Variants in B3GALT1 observed in about 807,000 individuals in gnomAD.
B3GALT1 encodes UDP-Gal:betaGlcNAc beta 1,3-galactosyltransferase, polypeptide 1.
B3GALT1 carries 10 observed loss-of-function variants against 23.2 expected under a neutral mutation model. That is an observed-to-expected ratio of 0.43 (90% CI 0.27 to 0.73). The LOEUF (loss-of-function observed/expected upper bound fraction) is 0.73. B3GALT1 is among the 30% of genes least tolerant of loss of function. B3GALT1 has a pLI of 0.21. For missense variants in B3GALT1, 299 were observed against 405.4 expected, an observed-to-expected ratio of 0.74 and a Z score of 2.25; for synonymous variants, 156 against 141.5, an observed-to-expected ratio of 1.10 and a Z score of -0.73.
chr2:167,462,644 G>A (rs1030173689), intron 1 of B3GALT1, among the ~76,000 whole-genome samples: 3 of 152,090 alleles, frequency 2.0e-5, no homozygotes, highest in South Asian at 2.1e-4. Flanking sequence ...ACATTCAAAG[G>A]TTGGTGTAAT....
intron 2 of B3GALT1, among the ~76,000 whole-genome samples, chr2:167,630,060 T>G (rs2105446302): frequency 6.6e-6 from 1 of 151,894 alleles, no homozygotes; most frequent in East Asian, 1.9e-4. Flanking sequence ...ACAGACAATA[T>G]TTGACCTTAG....
At chr2:167,461,744 T>G (rs544421256) in intron 1 of B3GALT1, among the ~76,000 whole-genome samples, 1 of 152,348 alleles carries the variant, frequency 6.6e-6, no homozygotes, top group East Asian at 1.9e-4. Context: ...ACACCATTGT[T>G]CTTCCAATTT....
At chr2:167,631,561 T>G (rs1343573088) in intron 2 of B3GALT1, 1 of 151,808 alleles carries the variant, frequency 6.6e-6, no homozygotes, top group Non-Finnish European at 1.5e-5. Flanking sequence ...TAAAAATTTT[T>G]TTTACTAATC....
intron 1 of B3GALT1, among the ~76,000 whole-genome samples, chr2:167,352,736 C>T (rs3061474): frequency 0.072 from 531 of 7,374 alleles, 5 homozygotes; most frequent in Middle Eastern, 0.1. Context: ...GAAAAAAAAA[C>T]AAACAAACTG....
intron 1 of B3GALT1, among the ~76,000 whole-genome samples, chr2:167,470,751 G>A (rs1699409791): frequency 6.6e-6 from 1 of 152,080 alleles, no homozygotes; most frequent in Non-Finnish European, 1.5e-5. Flanking sequence ...TCATCTTTTA[G>A]TTTTACTTTG....
chr2:167,419,686 T>A (rs887758929), intron 1 of B3GALT1, among the ~76,000 whole-genome samples: 2 of 152,204 alleles, frequency 1.3e-5, no homozygotes, highest in Non-Finnish European at 2.9e-5. Flanking sequence ...AATTAGTGTC[T>A]TAATGCACGA....
intron 3 of B3GALT1, among the ~76,000 whole-genome samples, chr2:167,686,888 T>G (rs545432534): frequency 6.6e-6 from 1 of 152,332 alleles, no homozygotes; most frequent in South Asian, 2.1e-4. Context: ...GGCCCTCTGC[T>G]GATTCCTGTA....
chr2:167,780,124 C>T (rs1218811951), intron 3 of B3GALT1, among the ~76,000 whole-genome samples: 1 of 152,160 alleles, frequency 6.6e-6, no homozygotes, highest in Non-Finnish European at 1.5e-5. Context: ...GTGTAACCTC[C>T]ACCGTATTCT....
intron 1 of B3GALT1, among the ~76,000 whole-genome samples, chr2:167,450,468 A>G (rs1033066462): frequency 4.6e-5 from 7 of 152,164 alleles, no homozygotes; most frequent in African/African-American, 1.7e-4. Context: ...GTTTTTGCTG[A>G]ATACCAAATT....
Position 167,345,060 on chromosome 2 carries a change from T to C in B3GALT1, c.-511+51726T>C, listed in dbSNP as rs535807970. 1.2e-4 allele frequency among the ~76,000 whole-genome samples: 18 copies of C among 152,306 alleles called. No homozygotes were observed. In the South Asian group the frequency reaches 3.7e-3, roughly 32 times the overall value. Reference sequence around the variant, plus strand: ...TTTTATTTAATCAACAAAATATTTATTGAACCCTTACTATGTGCCCATTAC... The same window carrying C: ...TTTTATTTAATCAACAAAATATTTACTGAACCCTTACTATGTGCCCATTAC... On this transcript the variant is annotated intron_variant, in intron 1 of 4. Transcript: ENST00000392690.
At chr2:167,754,769 A>T (rs769689959) in intron 3 of B3GALT1, among the ~76,000 whole-genome samples, 1 of 152,210 alleles carries the variant, frequency 6.6e-6, no homozygotes, top group African/African-American at 2.4e-5. Flanking sequence ...AGAAATAAAG[A>T]CAGGTTTTAG....
intron 4 of B3GALT1, among the ~76,000 whole-genome samples, chr2:167,820,213 A>AAAAC (rs1348561157): frequency 3.9e-5 from 6 of 152,262 alleles, no homozygotes; most frequent in Non-Finnish European, 8.8e-5. Context: ...GACTAAAAAC[A>AAAAC]AAACAGAAAA....
intron 4 of B3GALT1, among the ~76,000 whole-genome samples, chr2:167,855,603 G>A (rs1403492206): frequency 6.6e-6 from 1 of 152,162 alleles, no homozygotes; most frequent in Non-Finnish European, 1.5e-5. Context: ...AAAAATATGT[G>A]CTGTAGTAAT....
chr2:167,589,744 C>A (rs916942643), intron 2 of B3GALT1, among the ~76,000 whole-genome samples: 11 of 151,944 alleles, frequency 7.2e-5, no homozygotes, highest in African/African-American at 2.7e-4. Flanking sequence ...TCACCGTTAC[C>A]TACTTTATAT....
intron 3 of B3GALT1, among the ~76,000 whole-genome samples, chr2:167,688,666 C>CA (rs779445907): frequency 1.4e-4 from 21 of 151,376 alleles, no homozygotes; most frequent in Admixed American, 2.0e-4. Context: ...GGGACTAATA[C>CA]AAAAAAAACT....
intron 3 of B3GALT1, among the ~76,000 whole-genome samples, chr2:167,671,324 A>G (rs577637768): frequency 3.7e-4 from 57 of 152,288 alleles, no homozygotes; most frequent in Non-Finnish European, 6.8e-4. Context: ...TAACAGACAA[A>G]TACAGAACAT....
chr2:167,544,090 C>G (rs73026021), intron 2 of B3GALT1, among the ~76,000 whole-genome samples: 8,363 of 152,162 alleles, frequency 0.055, 480 homozygotes, highest in African/African-American at 0.14. Flanking sequence ...GAGGGCAAAA[C>G]CTTCCCCAGA....
At position 167,869,074 on chromosome 2, in the gene B3GALT1, C is replaced by T; in HGVS notation, c.35C>T (p.Thr12Ile). 1 of 1,612,400 alleles carries T rather than the reference C, an allele frequency of 6.2e-7. No homozygotes were observed. The highest frequency in any genetic ancestry group is 1.7e-5 in the Admixed American group (1 of 59,716). Reference sequence around the variant, plus strand: ...AAGGTCTCCTGTTTGTATGTTTTGACAGTTGTGTGCTGGGCCAGCGCTCTC... The same window carrying T: ...AAGGTCTCCTGTTTGTATGTTTTGATAGTTGTGTGCTGGGCCAGCGCTCTC... ...ASKVSCLYVL[T>I]VVCWASALWY... Residue 12 changes from threonine to isoleucine, a missense_variant, in exon 5 of 5, where the codon ACA (threonine) becomes ATA (isoleucine). Coordinates refer to ENST00000392690, the MANE Select transcript of B3GALT1 (RefSeq NM_020981.4). This position sits in a 1 kb window ranked among gnomAD's most constrained non-coding sequence, Gnocchi z 6.4.
chr2:167,572,931 A>T (rs1684321221), intron 2 of B3GALT1, among the ~76,000 whole-genome samples: 1 of 151,694 alleles, frequency 6.6e-6, no homozygotes, highest in Non-Finnish European at 1.5e-5. Flanking sequence ...AGAGAAAGTA[A>T]ATTAAATCCT....
Sources: gnomAD v4.1 joint callset for allele counts (sites outside exome capture counted in the v4.1 genomes callset) on GRCh38, gnomAD v4.1.1 for gene constraint, Gnocchi (gnomAD v3.1) non-coding constraint, MANE v1.5 for transcripts, NCBI Gene and HGNC (gene_info 2026-07-23, HGNC 2026-07-21) for gene names.